Variants in GRXCR2 observed in about 807,000 individuals in gnomAD.
The protein encoded by GRXCR2 is glutaredoxin domain-containing cysteine-rich protein 2.
A neutral mutation model predicts 24.8 loss-of-function variants in GRXCR2; 23 were observed. The observed-to-expected ratio is 0.93, with a 90% CI of 0.67 to 1.32. The LOEUF (loss-of-function observed/expected upper bound fraction) is 1.32, where lower values mean the gene tolerates loss of function less well. Among genes scored for constraint, GRXCR2 ranks in the 40% most tolerant of loss-of-function variants. GRXCR2 has a pLI of 0.00. For synonymous variants in GRXCR2, 130 were observed against 116.1 expected (o/e 1.12, Z -0.77); for missense variants, 315 against 303.4 (o/e 1.04, Z -0.28).
At chr5:145,894,290 G>A (rs1157752853) in intron 2 of GRXCR2, among the ~76,000 whole-genome samples, 1 of 152,142 alleles carries the variant, frequency 6.6e-6, no homozygotes, top group Non-Finnish European at 1.5e-5. Context: ...GATCAGAGCA[G>A]AAGTGAAGGA....
rs1339463477 is a variant in GRXCR2, at chr5:145,859,701, T to G, written c.*32A>C. 3 of 1,606,446 alleles carry G rather than the reference T, an allele frequency of 1.9e-6. No individual in the cohort carries two copies. The Admixed American group carries it at 5.0e-5, about 27-fold the overall frequency. ...TTATTAGAAATAACTTTAGGGAGGG[T>G]AAGATAACAGTGGACATGCAAAAGC... is the stretch of plus-strand genomic sequence containing the variant. On this transcript the variant is annotated 3_prime_UTR_variant, in exon 3 of 3. Coordinates refer to ENST00000377976, the MANE Select transcript of GRXCR2 (RefSeq NM_001080516.2).
At chr5:145,884,687 G>A (rs1466065467) in intron 2 of GRXCR2, among the ~76,000 whole-genome samples, 1 of 151,678 alleles carries the variant, frequency 6.6e-6, no homozygotes, top group Admixed American at 6.6e-5. Flanking sequence ...TCCAATTTTT[G>A]TATGTTTGAA....
chr5:145,880,731 G>C (rs975395836), intron 2 of GRXCR2, among the ~76,000 whole-genome samples: 2 of 152,128 alleles, frequency 1.3e-5, no homozygotes, highest in African/African-American at 4.8e-5. Context: ...AACAAGAAAA[G>C]AGAATTTTAG....
chr5:145,912,697 C>T (rs1188737347), intron 2 of GRXCR2, among the ~76,000 whole-genome samples: 1 of 151,980 alleles, frequency 6.6e-6, no homozygotes, highest in East Asian at 1.9e-4. Flanking sequence ...CAAGATGAGG[C>T]CTATGAAGAG....
intron 2 of GRXCR2, among the ~76,000 whole-genome samples, chr5:145,903,431 T>C (rs1487316966): frequency 6.6e-6 from 1 of 152,008 alleles, no homozygotes; most frequent in Non-Finnish European, 1.5e-5. Context: ...TGCTTCCCTA[T>C]CTGTCTTCCC....
At chr5:145,898,305 C>T (rs1756977292) in intron 2 of GRXCR2, among the ~76,000 whole-genome samples, 1 of 151,144 alleles carries the variant, frequency 6.6e-6, no homozygotes, top group Non-Finnish European at 1.5e-5. Context: ...AAAAAGCCTA[C>T]CAACCAAGAA....
chr5:145,884,836 T>C (rs1345258038), intron 2 of GRXCR2, among the ~76,000 whole-genome samples: 1 of 152,216 alleles, frequency 6.6e-6, no homozygotes, highest in Non-Finnish European at 1.5e-5. Flanking sequence ...TAGTGTATCC[T>C]GAATCTTTTT....
intron 1 of GRXCR2, among the ~76,000 whole-genome samples, chr5:145,871,992 G>C (rs577320504): frequency 6.6e-6 from 1 of 152,250 alleles, no homozygotes; most frequent in East Asian, 1.9e-4. Flanking sequence ...CCATGGTACT[G>C]GGAAGTAATT....
intron 2 of GRXCR2, among the ~76,000 whole-genome samples, chr5:145,884,912 G>A (rs752069670): frequency 6.6e-6 from 1 of 152,072 alleles, no homozygotes; most frequent in African/African-American, 2.4e-5. Flanking sequence ...TGTGTATTTT[G>A]GGATTTAGGA....
chr5:145,914,240 T>G (rs1757204545), intron 2 of GRXCR2, among the ~76,000 whole-genome samples: 1 of 152,084 alleles, frequency 6.6e-6, no homozygotes, highest in Non-Finnish European at 1.5e-5. Context: ...GTGTCTACAC[T>G]TCAACAAGCA....
chr5:145,882,638 G>T (rs1324087846), intron 2 of GRXCR2, among the ~76,000 whole-genome samples: 17 of 152,140 alleles, frequency 1.1e-4, no homozygotes, highest in Non-Finnish European at 4.4e-5. Flanking sequence ...TCTAGAACTA[G>T]AATTACCATT....
At chr5:145,903,384 C>T (rs1757048948) in intron 2 of GRXCR2, among the ~76,000 whole-genome samples, 1 of 152,166 alleles carries the variant, frequency 6.6e-6, no homozygotes, top group Non-Finnish European at 1.5e-5. Context: ...CTCTCTGGGG[C>T]CACCCTGCTA....
intron 2 of GRXCR2, among the ~76,000 whole-genome samples, chr5:145,879,728 C>G (rs898078285): frequency 1.3e-5 from 2 of 152,168 alleles, no homozygotes; most frequent in Non-Finnish European, 2.9e-5. Flanking sequence ...GAACTCTCTA[C>G]CCCAAATCAA....
rs148032782 is a variant in GRXCR2, at chr5:145,872,933, A to G, written c.36T>C (p.Ser12=). ...EDPEKKLNQK[S]DGKPRKVRFK... is the part of the protein sequence containing the mutation. ...ATCGTACTTTCCGGGGTTTGCCATC[A>G]CTCTTCTGATTCAGCTTTTTCTCAG... Residue 12 remains serine (S), a synonymous_variant, in exon 1 of 3, where the codon AGT becomes AGC. Transcript: ENST00000377976. 370 of 1,613,924 alleles carry G rather than the reference A, an allele frequency of 2.3e-4. 1 individual carries two copies. In the Middle Eastern group the frequency reaches 8.1e-3, roughly 35 times the overall value.
intron 2 of GRXCR2, among the ~76,000 whole-genome samples, chr5:145,887,526 A>AG (rs1221261772): frequency 6.6e-6 from 1 of 152,260 alleles, no homozygotes; most frequent in Non-Finnish European, 1.5e-5. Context: ...GTGAGAGGCT[A>AG]GGGATGTTAG....
At chr5:145,880,532 C>A (rs147178943) in intron 2 of GRXCR2, among the ~76,000 whole-genome samples, 2,173 of 152,158 alleles carry the variant, frequency 0.014, 57 homozygotes, top group African/African-American at 0.05. Context: ...GAAATTGAGG[C>A]AATAATTAAT....
chr5:145,924,621 C>T (rs531758647), intron 2 of GRXCR2, among the ~76,000 whole-genome samples: 2 of 152,248 alleles, frequency 1.3e-5, no homozygotes, highest in Non-Finnish European at 2.9e-5. Flanking sequence ...TGGGATGACA[C>T]GAAGATTAAG....
upstream of GRXCR2, among the ~76,000 whole-genome samples, chr5:145,874,215 T>A (rs981897089): frequency 6.3e-3 from 960 of 151,628 alleles, 11 homozygotes; most frequent in African/African-American, 0.022. Flanking sequence ...TTTTATTTTT[T>A]TTTTTTTGAG....
At chr5:145,868,240 T>C (rs1257884568) in intron 1 of GRXCR2, among the ~76,000 whole-genome samples, 3 of 152,196 alleles carry the variant, frequency 2.0e-5, no homozygotes, top group Non-Finnish European at 2.9e-5. Context: ...TGCACAATCA[T>C]ACTACACAAC....
Sources: gnomAD v4.1 joint callset for allele counts (sites outside exome capture counted in the v4.1 genomes callset) on GRCh38, gnomAD v4.1.1 for gene constraint, MANE v1.5 for transcripts, NCBI Gene and HGNC (gene_info 2026-07-23, HGNC 2026-07-21) for gene names.